PPM1D: variants seen among roughly 807,000 people sequenced by gnomAD.
PPM1D encodes the protein protein phosphatase, Mg2+/Mn2+ dependent 1D.
In PPM1D, 52 loss-of-function variants were observed where a neutral mutation model predicts 58.3. That is an observed-to-expected ratio of 0.89 (90% confidence interval 0.71 to 1.12). The LOEUF (loss-of-function observed/expected upper bound fraction) is 1.12, where lower values mean the gene tolerates loss of function less well. Ranked by LOEUF, PPM1D falls within the 50% of genes most tolerant of loss-of-function variation. The pLI is 0.00. For missense variants in PPM1D, 564 were observed against 777.2 expected (o/e 0.73, Z 3.26); for synonymous variants, 278 against 285.1 (o/e 0.98, Z 0.25).
intron 3 of PPM1D, among the ~76,000 whole-genome samples, chr17:60,639,153 T>C (rs543382395): frequency 6.6e-6 from 1 of 152,166 alleles, no homozygotes; most frequent in African/African-American, 2.4e-5. Context: ...TTTTTTCTTG[T>C]CATCCAGGCT....
chr17:60,664,418 TAC>T lies in PPM1D; in HGVS notation c.*868_*869del, dbSNP rs1466908450. Reference sequence around the variant, plus strand: ...ACATTTCTTAAATTATTTTATATCATACAGTTTTCATTGATTATATGGGTATA... The same window carrying T: ...ACATTTCTTAAATTATTTTATATCATAGTTTTCATTGATTATATGGGTATA... On this transcript the variant is annotated 3_prime_UTR_variant, in exon 6 of 6. Coordinates refer to ENST00000305921, the MANE Select transcript of PPM1D (RefSeq NM_003620.4). 6.5e-6 allele frequency: 1 copy of T among 152,686 alleles called. No homozygotes were observed. The highest frequency in any genetic ancestry group is 1.5e-5 in the Non-Finnish European group (1 of 68,048). The allele number at this position is 152,686 out of a possible 1,614,324, so 9.5% of individuals were successfully genotyped here.
chr17:60,645,458 G>A (rs1314954809), intron 3 of PPM1D, among the ~76,000 whole-genome samples: 64 of 119,538 alleles, frequency 5.4e-4, no homozygotes, highest in African/African-American at 2.1e-3. Flanking sequence ...AAATATATAT[G>A]TGTGTGTGTG....
chr17:60,608,998 C>T (rs1052041809), intron 1 of PPM1D, among the ~76,000 whole-genome samples: 2 of 151,742 alleles, frequency 1.3e-5, no homozygotes, highest in African/African-American at 2.4e-5. Context: ...GTGCCCTCCT[C>T]GGCCTCCCAA....
chr17:60,643,883 C>CTTTTTTTTTT (rs71148308), intron 3 of PPM1D, among the ~76,000 whole-genome samples: 21 of 97,736 alleles, frequency 2.1e-4, no homozygotes, highest in African/African-American at 4.0e-4. Flanking sequence ...CTTTTCTTTT[C>CTTTTTTTTTT]TTTTTTTTTT....
At chr17:60,645,500 A>ATATATATATATATGTGTATATATG (rs1567974539) in intron 3 of PPM1D, among the ~76,000 whole-genome samples, 19 of 123,316 alleles carry the variant, frequency 1.5e-4, no homozygotes, top group African/African-American at 6.5e-4. Context: ...GTGTATGTGT[A>ATATATATATATATGTGTATATATG]TATATATATG....
At chr17:60,601,122 C>T (rs1305742163) in intron 1 of PPM1D, among the ~76,000 whole-genome samples, 2 of 152,178 alleles carry the variant, frequency 1.3e-5, no homozygotes, top group African/African-American at 4.8e-5. Context: ...TTCCATCCTC[C>T]AAGGATCAAT....
intron 3 of PPM1D, among the ~76,000 whole-genome samples, chr17:60,645,490 G>GTATATATA (rs1555647650): frequency 7.0e-6 from 1 of 141,970 alleles, no homozygotes; most frequent in East Asian, 2.0e-4. Context: ...GTGTGTGTGT[G>GTATATATA]TGTATGTGTA....
intron 2 of PPM1D, among the ~76,000 whole-genome samples, chr17:60,630,605 A>G (rs779773514): frequency 6.6e-6 from 1 of 152,200 alleles, no homozygotes; most frequent in African/African-American, 2.4e-5. Context: ...GGACAACAAC[A>G]GGAAGTGCAG....
chr17:60,637,955 A>G (rs533413266), intron 3 of PPM1D, among the ~76,000 whole-genome samples: 3 of 152,172 alleles, frequency 2.0e-5, no homozygotes, highest in Admixed American at 6.6e-5. Flanking sequence ...TGGAGGGAGG[A>G]TTGAAAAATG....
At position 60,633,866 on chromosome 17, in the gene PPM1D, T is replaced by G. The variant is rs140867448; in HGVS notation, c.715T>G (p.Ser239Ala). The G allele has an allele frequency of 1.2e-6, 2 of 1,612,970 alleles. No homozygotes were observed. Among genetic ancestry groups the G allele is most frequent in the Non-Finnish European group, 1.7e-6 (2 of 1,179,046 alleles). Reference protein sequence around the residue: ...EGLGGSVMNKSGVNRVVWKRP... With the variant: ...EGLGGSVMNKAGVNRVVWKRP... ...CTTTATTTTTAGTGTAATGAACAAG[T>G]CTGGGGTGAATCGTGTAGTTTGGAA... The change falls in exon 3 of 6, where the codon TCT becomes GCT. Residue 239 changes from serine to alanine, a missense_variant. Ser to Ala is a moderately conservative substitution (Grantham distance 99, BLOSUM62 1). Transcript: ENST00000305921.
chr17:60,665,525 A>G lies in PPM1D; in HGVS notation c.*1973A>G, dbSNP rs79766598. On this transcript the variant is annotated 3_prime_UTR_variant, in exon 6 of 6. Coordinates refer to ENST00000305921, the MANE Select transcript of PPM1D (RefSeq NM_003620.4). The stretch of plus-strand genomic sequence containing the variant: ...GCCCAGCCAACTATGCCATTATTTA[A>G]CCATGTCCACACATTCTGGTTATTT... 926 of 152,308 alleles carry G rather than the reference A, an allele frequency of 6.1e-3. 3 individuals carry two copies. The highest frequency in any genetic ancestry group is 8.7e-3 in the Non-Finnish European group (591 of 68,050). The allele number at this position is 152,308 out of a possible 1,614,324, so 9.4% of individuals were successfully genotyped here.
chr17:60,639,904 G>A (rs891337902), intron 3 of PPM1D, among the ~76,000 whole-genome samples: 4 of 152,170 alleles, frequency 2.6e-5, no homozygotes, highest in South Asian at 2.1e-4. Flanking sequence ...CGAAAAGTTC[G>A]GTGATAGGAA....
At chr17:60,612,105 T>C (rs532737016) in intron 1 of PPM1D, among the ~76,000 whole-genome samples, 11 of 152,182 alleles carry the variant, frequency 7.2e-5, no homozygotes, top group Admixed American at 7.2e-4. Context: ...ACATTTAAAG[T>C]ATACTCTGAT....
chr17:60,619,170 A>G (rs759579527), intron 1 of PPM1D, among the ~76,000 whole-genome samples: 3 of 150,506 alleles, frequency 2.0e-5, no homozygotes, highest in Non-Finnish European at 2.9e-5. Context: ...TTCACTTAGC[A>G]TAATGTCCTA....
At chr17:60,613,642 C>T (rs1380875574) in intron 1 of PPM1D, among the ~76,000 whole-genome samples, 1 of 152,216 alleles carries the variant, frequency 6.6e-6, no homozygotes, top group East Asian at 1.9e-4. Context: ...ACTGGGGCTG[C>T]GTGCTGCACT....
chr17:60,628,397 C>A (rs1009192444), intron 2 of PPM1D, among the ~76,000 whole-genome samples: 1 of 152,044 alleles, frequency 6.6e-6, no homozygotes, highest in African/African-American at 2.4e-5. Context: ...GGGTTCACTC[C>A]GGGTGTTATA....
intron 2 of PPM1D, among the ~76,000 whole-genome samples, chr17:60,627,421 T>C (rs538507397): frequency 1.3e-5 from 2 of 150,318 alleles, no homozygotes; most frequent in Admixed American, 1.3e-4. Context: ...AATTTTCTTT[T>C]TCTTTCTTTT....
At chr17:60,651,280 C>CACTCTA (rs1567976261) in intron 4 of PPM1D, among the ~76,000 whole-genome samples, 1 of 152,076 alleles carries the variant, frequency 6.6e-6, no homozygotes, top group Admixed American at 6.6e-5. Context: ...GTGATAGATT[C>CACTCTA]ATGAATTAGA....
At chr17:60,645,556 G>GTGTGTGTATATATATGTATATATA (rs2031228419) in intron 3 of PPM1D, among the ~76,000 whole-genome samples, 3 of 120,332 alleles carry the variant, frequency 2.5e-5, no homozygotes, top group Non-Finnish European at 4.7e-5. Context: ...GTATATATAT[G>GTGTGTGTATATATATGTATATATA]TGTGTGTATA....
Sources: gnomAD v4.1 joint callset for allele counts (sites outside exome capture counted in the v4.1 genomes callset) on GRCh38, gnomAD v4.1.1 for gene constraint, MANE v1.5 for transcripts, NCBI Gene and HGNC (gene_info 2026-07-23, HGNC 2026-07-21) for gene names.